The following NEB variants were observed in gnomAD, a reference collection of about 807,000 sequenced individuals.
NEB encodes nemaline myopathy type 2.
A neutral mutation model predicts 952.2 loss-of-function variants in NEB; 512 were observed. That is an observed-to-expected ratio of 0.54 (90% CI 0.50 to 0.58). NEB has a LOEUF of 0.58. NEB is among the 20% of genes least tolerant of loss of function. The pLI, the probability that NEB is intolerant of heterozygous loss-of-function variation, is 0.00. For synonymous variants in NEB, 2,900 were observed against 3,149.8 expected (o/e 0.92, Z 2.66); for missense variants, 8,428 against 9,231.1 (o/e 0.91, Z 3.56).
intron 40 of NEB, among the ~76,000 whole-genome samples, chr2:151,666,671 G>A (rs2099221991): frequency 6.6e-6 from 1 of 152,028 alleles, no homozygotes; most frequent in South Asian, 2.1e-4. Context: ...AAAGGTTCCT[G>A]AGAAGTTGGC....
chr2:151,680,192 C>A (rs2099403788), intron 30 of NEB, among the ~76,000 whole-genome samples, 170 bp from the exon 31 acceptor site: 1 of 152,206 alleles, frequency 6.6e-6, no homozygotes, highest in Non-Finnish European at 1.5e-5. Flanking sequence ...CAAGGTCACA[C>A]ATGCAGTTGC....
At chr2:151,519,997 A>G in intron 153 of NEB, 1 of 350,772 alleles carries the variant, frequency 2.9e-6, no homozygotes, top group East Asian at 4.4e-5. Context: ...TTTTTATATT[A>G]TTCCAAGGTA....
intron 28 of NEB, 102 bp downstream of exon 28, chr2:151,684,676 A>G: frequency 8.8e-7 from 1 of 1,142,206 alleles, no homozygotes; most frequent in East Asian, 2.6e-5. Flanking sequence ...ACATAGGACA[A>G]TGCAGATACC....
chr2:151,658,187 T>C, intron 47 of NEB, 97 bp from the exon 48 acceptor site: 1 of 868,298 alleles, frequency 1.2e-6, no homozygotes, highest in South Asian at 1.7e-5. Flanking sequence ...TTTTTTTTTG[T>C]TTTTGAGCAG....
Position 151,570,375 on chromosome 2 carries a change from G to T in NEB, c.17136C>A (p.Asp5712Glu), listed in dbSNP as rs1318850020. The change falls in exon 109 of 182, where the codon GAC becomes GAA. Residue 5712 changes from aspartate to glutamate, a missense_variant. By Grantham distance (45) the Asp-to-Glu change is conservative (BLOSUM62 2). This residue lies in a region of NEB where 3,374 missense variants were observed against 3,651.5 expected (regional missense o/e 0.92). Transcript: ENST00000397345. ...EIASDYKYKLDHEKQKGHYVG... is the reference protein window; with the variant it reads ...EIASDYKYKLEHEKQKGHYVG... ...CGTAGTGTCCCTTCTGCTTCTCATG[G>T]TCAAGCTTATATTTATACTGGAGAT... 6.3e-7 allele frequency: 1 copy of T among 1,580,226 alleles called. No homozygotes were observed. Among genetic ancestry groups the T allele is most frequent in the Non-Finnish European group, 8.6e-7 (1 of 1,162,948 alleles).
intron 154 of NEB, among the ~76,000 whole-genome samples, chr2:151,519,335 G>T (rs965106960): frequency 6.6e-6 from 1 of 152,164 alleles, no homozygotes; most frequent in African/African-American, 2.4e-5. Context: ...AACATGGATG[G>T]ACCTTGAACA....
Position 151,518,324 on chromosome 2 carries a change from CTG to C in NEB, c.22792_22793del (p.Gln7598GlufsTer10). The C allele has an allele frequency of 6.3e-7, 1 of 1,599,160 alleles. No homozygotes were observed. Among genetic ancestry groups the C allele is most frequent in the Non-Finnish European group, 8.6e-7 (1 of 1,166,446 alleles). ...TCGGTCTTGATCCACTTACTATACT[CTG>C]TAATTCTGTGGCCTCTTTTAGGTGA... ...QLHLKEATEL[Q>X]SIVKYKEKYE... On this transcript the variant is annotated frameshift_variant, in exon 156 of 182. Transcript: ENST00000397345. LOFTEE classifies it high-confidence loss of function.
intron 37 of NEB, chr2:151,671,455 G>A: frequency 4.6e-6 from 2 of 433,864 alleles, no homozygotes; most frequent in South Asian, 5.4e-5. Context: ...TATTTTCATG[G>A]GTACTGCTAA....
intron 63 of NEB, 144 bp downstream of exon 63, chr2:151,639,136 T>C: frequency 1.7e-6 from 1 of 592,726 alleles, no homozygotes; most frequent in East Asian, 2.9e-5. Flanking sequence ...ACATTTATGA[T>C]GGTGATTGAG....
At chr2:151,524,486 G>T in intron 152 of NEB, 29 bp downstream of exon 152, 2 of 1,612,934 alleles carry the variant, frequency 1.2e-6, no homozygotes, top group Middle Eastern at 1.6e-4. Flanking sequence ...GGCTGTTGGG[G>T]ACTGGGGACA....
chr2:151,514,734 A>G (rs916093390), intron 158 of NEB, 84 bp downstream of exon 158: 12 of 992,880 alleles, frequency 1.2e-5, no homozygotes, highest in Non-Finnish European at 1.8e-5. Flanking sequence ...GTGGTGATGT[A>G]AATGGTAGGA....
Position 151,724,862 on chromosome 2 carries a change from T to C in NEB, c.502A>G (p.Ser168Gly), listed in dbSNP as rs779242197. 2.4e-5 allele frequency: 39 copies of C among 1,612,902 alleles called. No individual in the cohort carries two copies. The highest frequency in any genetic ancestry group is 1.7e-5 in the Non-Finnish European group (20 of 1,179,334). ...EHAKKVSQQV[S>G]KVLYKQNWED... is the part of the protein sequence containing the mutation. ...CATCCATATCATTGCCTTACCTTAC[T>C]GACTTGCTGCGACACTTTCTTTGCA... Residue 168 changes from serine (S) to glycine (G), a missense_variant, in exon 7 of 182, where the codon AGT becomes GGT. Physicochemically the swap from Ser to Gly is moderately conservative, Grantham distance 56. Transcript: ENST00000397345.
At chr2:151,527,608 G>A (rs1227678772) in intron 146 of NEB, 23 bp from the exon 147 acceptor site, 1 of 1,561,408 alleles carries the variant, frequency 6.4e-7, no homozygotes, top group East Asian at 2.3e-5. Flanking sequence ...GGAGAGAAAG[G>A]AATCACTTGA....
At chr2:151,486,007 A>G in intron 181 of NEB, 74 bp from the exon 182 acceptor site, 8 of 1,464,378 alleles carry the variant, frequency 5.5e-6, no homozygotes, top group Non-Finnish European at 7.5e-6. Flanking sequence ...TATTTGTAAG[A>G]TCTCTCATGA....
intron 34 of NEB, among the ~76,000 whole-genome samples, chr2:151,675,756 C>G (rs2099354546): frequency 6.8e-6 from 1 of 147,800 alleles, no homozygotes; most frequent in Non-Finnish European, 1.5e-5. Context: ...TTTTTTTATC[C>G]CTAGAGAGAA....
chr2:151,729,417 A>G (rs768248274), intron 4 of NEB, among the ~76,000 whole-genome samples, 198 bp downstream of exon 4: 1 of 152,212 alleles, frequency 6.6e-6, no homozygotes, highest in Non-Finnish European at 1.5e-5. Flanking sequence ...CGTTTTTTGA[A>G]TAGGAAAAAA....
At chr2:151,656,887 C>T (rs1348440540) in intron 48 of NEB, among the ~76,000 whole-genome samples, 1 of 151,622 alleles carries the variant, frequency 6.6e-6, no homozygotes, top group Non-Finnish European at 1.5e-5. Context: ...TCTCTTAATG[C>T]TGCCCTGAGA....
chr2:151,519,949 C>A, intron 153 of NEB, 181 bp from the exon 154 acceptor site: 1 of 456,738 alleles, frequency 2.2e-6, no homozygotes. Flanking sequence ...AATGACAAGA[C>A]AACAGGCATT....
At position 151,538,272 on chromosome 2, in the gene NEB, C is replaced by A; in HGVS notation, c.20893-28G>T. The A allele has an allele frequency of 6.7e-7, 1 of 1,490,494 alleles. No individual in the cohort carries two copies. The highest frequency in any genetic ancestry group is 1.1e-5 in the South Asian group (1 of 87,812). 92.3% of individuals were successfully genotyped at this position (1,490,494 alleles called of 1,614,324 possible). ...AGAAAGAGAAAAAACACATGAATTA[C>A]AAAAAAACTACCAAGTTAAATAATT... On this transcript the variant is annotated intron_variant, in intron 138 of 181. Transcript: ENST00000397345.
Sources: gnomAD v4.1 joint callset for allele counts (sites outside exome capture counted in the v4.1 genomes callset) on GRCh38, gnomAD v4.1.1 for gene constraint, gnomAD v4.1.1 regional missense constraint, MANE v1.5 for transcripts, NCBI Gene and HGNC (gene_info 2026-07-23, HGNC 2026-07-21) for gene names.